The following CTNNA2 variants were observed in gnomAD, a reference collection of about 807,000 sequenced individuals.
CTNNA2 encodes catenin alpha-2.
In CTNNA2, 42 loss-of-function variants were observed where a neutral mutation model predicts 101.0. The ratio of observed to expected loss-of-function variants is 0.42; its 90% CI spans 0.32 to 0.54. The LOEUF is 0.54. Ranked by LOEUF, CTNNA2 falls within the 20% of genes least tolerant of loss-of-function variation. CTNNA2 has a pLI of 0.14. For synonymous variants in CTNNA2, 450 were observed against 456.4 expected (o/e 0.99, Z 0.18); for missense variants, 871 against 1,223.1 (o/e 0.71, Z 4.29).
rs533466625 is a variant in CTNNA2 at position 80,214,122 on chromosome 2, G to C, written c.1057-179089G>C. On this transcript the variant is annotated intron_variant, in intron 7 of 18. Transcript: ENST00000402739. Reference sequence around the variant, plus strand: ...CCTATGTGTCTCTGCACATGAGATGGGTCTCCTGAATACAGCACACTGATG... The same window carrying C: ...CCTATGTGTCTCTGCACATGAGATGCGTCTCCTGAATACAGCACACTGATG... Among the ~76,000 whole-genome samples the C allele has an allele frequency of 2.0e-4, 30 of 152,140 alleles. No homozygotes were observed. The South Asian group carries it at 3.3e-3, about 17-fold the overall frequency.
At chr2:79,189,608 G>A (rs1376509162) in intron 1 of CTNNA2, among the ~76,000 whole-genome samples, 1 of 152,168 alleles carries the variant, frequency 6.6e-6, no homozygotes, top group East Asian at 1.9e-4. Context: ...GTTTTCAGGA[G>A]CTGGGCAAGT....
At position 79,806,101 on chromosome 2, in the gene CTNNA2, T is replaced by C. The variant is rs539761345; in HGVS notation, c.299-51912T>C. On this transcript the variant is annotated intron_variant, in intron 3 of 18. Transcript: ENST00000402739. Reference sequence around the variant, plus strand: ...TGCTTCTCTCAAACTCTTTAGTTAGTTATACATTCCTCACTACTACTATAG... The same window carrying C: ...TGCTTCTCTCAAACTCTTTAGTTAGCTATACATTCCTCACTACTACTATAG... Among the ~76,000 whole-genome samples the C allele has an allele frequency of 3.9e-5, 6 of 152,282 alleles. No individual in the cohort carries two copies. In the South Asian group the frequency reaches 1.2e-3, roughly 32 times the overall value.
intron 2 of CTNNA2, among the ~76,000 whole-genome samples, chr2:79,700,961 C>T (rs1016196894): frequency 2.6e-5 from 4 of 151,958 alleles, no homozygotes; most frequent in African/African-American, 9.7e-5. Flanking sequence ...ATTTTTTGTT[C>T]CATTTTTCCT....
At chr2:80,296,523 T>C (rs886377298) in intron 7 of CTNNA2, among the ~76,000 whole-genome samples, 1 of 152,196 alleles carries the variant, frequency 6.6e-6, no homozygotes, top group Non-Finnish European at 1.5e-5. Flanking sequence ...TTGCTGATTA[T>C]CAGTGAACCT....
At chr2:80,256,731 T>G (rs996962965) in intron 7 of CTNNA2, among the ~76,000 whole-genome samples, 1 of 152,168 alleles carries the variant, frequency 6.6e-6, no homozygotes, top group Admixed American at 6.6e-5. Context: ...GTTTCATACA[T>G]GCTTTTTTAT....
chr2:79,334,613 TA>T (rs1035420706), intron 3 of CTNNA2, among the ~76,000 whole-genome samples: 3 of 148,150 alleles, frequency 2.0e-5, no homozygotes, highest in African/African-American at 7.5e-5. Flanking sequence ...AAGAGAAGAA[TA>T]AAAAAAGGAT....
intron 4 of CTNNA2, among the ~76,000 whole-genome samples, chr2:79,489,591 C>G: frequency 6.6e-6 from 1 of 152,140 alleles, no homozygotes; most frequent in African/African-American, 2.4e-5. Flanking sequence ...CTTCTTTAAA[C>G]AATTTGTTCT....
chr2:79,401,151 T>A (rs1418368899), intron 4 of CTNNA2, among the ~76,000 whole-genome samples: 1 of 151,576 alleles, frequency 6.6e-6, no homozygotes, highest in Non-Finnish European at 1.5e-5. Context: ...TAAAGAAAAA[T>A]GAATACTCCG....
At chr2:79,526,587 A>G (rs1277136856) in intron 1 of CTNNA2, among the ~76,000 whole-genome samples, 1 of 152,134 alleles carries the variant, frequency 6.6e-6, no homozygotes, top group Non-Finnish European at 1.5e-5. Context: ...CCGCAAAAGT[A>G]TAATAATCGA....
intron 2 of CTNNA2, among the ~76,000 whole-genome samples, chr2:79,301,237 C>T (rs2104390450): frequency 6.6e-6 from 1 of 152,338 alleles, no homozygotes; most frequent in East Asian, 1.9e-4. Context: ...TTTTCCAATT[C>T]CATACAGGCC....
chr2:80,598,033 A>G (rs1197013867), intron 15 of CTNNA2, among the ~76,000 whole-genome samples: 1 of 152,194 alleles, frequency 6.6e-6, no homozygotes, highest in African/African-American at 2.4e-5. Flanking sequence ...ACTATTTACA[A>G]TAGCATAGAC....
At chr2:80,182,526 A>G (rs1705847509) in intron 7 of CTNNA2, among the ~76,000 whole-genome samples, 1 of 152,168 alleles carries the variant, frequency 6.6e-6, no homozygotes, top group African/African-American at 2.4e-5. Context: ...ATCATCACAC[A>G]TACCATGCTC....
chr2:80,585,890 C>T (rs985062438), intron 14 of CTNNA2, among the ~76,000 whole-genome samples: 45 of 152,158 alleles, frequency 3.0e-4, no homozygotes, highest in African/African-American at 1.0e-3. Context: ...TTGATAGCTA[C>T]ATAAGCAGAA....
chr2:80,552,328 G>A (rs1295687066), intron 11 of CTNNA2, among the ~76,000 whole-genome samples: 1 of 151,858 alleles, frequency 6.6e-6, no homozygotes, highest in African/African-American at 2.4e-5. Flanking sequence ...TGTATTTGGG[G>A]GGGAAGAAAA....
intron 7 of CTNNA2, among the ~76,000 whole-genome samples, chr2:80,271,472 A>G (rs1673473604): frequency 6.8e-6 from 1 of 147,266 alleles, no homozygotes; most frequent in Non-Finnish European, 1.5e-5. Context: ...CTCAGGCTGG[A>G]GTGCAGTGGC....
rs548978170 is a variant in CTNNA2, at chr2:79,845,463, G to A, written c.299-12550G>A. On this transcript the variant is annotated intron_variant, in intron 3 of 18. Transcript: ENST00000402739. Reference sequence around the variant, plus strand: ...GCTATGTTCATATCATCAATGGTGCGCACTAAGAGAGTAAGGACAAGATGT... The same window carrying A: ...GCTATGTTCATATCATCAATGGTGCACACTAAGAGAGTAAGGACAAGATGT... Among the ~76,000 whole-genome samples, 164 of 152,106 alleles carry A rather than the reference G, an allele frequency of 1.1e-3. 5 individuals carry two copies. The South Asian group carries it at 0.033, about 30-fold the overall frequency.
At chr2:79,536,754 G>A (rs1673098654) in intron 1 of CTNNA2, among the ~76,000 whole-genome samples, 1 of 150,268 alleles carries the variant, frequency 6.7e-6, no homozygotes, top group South Asian at 2.1e-4. Context: ...CTGGAGTGCA[G>A]TGGTGCGATC....
chr2:79,679,508 C>T (rs890804401), intron 2 of CTNNA2, among the ~76,000 whole-genome samples: 1 of 151,988 alleles, frequency 6.6e-6, no homozygotes, highest in African/African-American at 2.4e-5. Context: ...GGAGTCTCTG[C>T]CCTGTTCCCA....
chr2:80,104,286 C>T (rs1296213791), intron 7 of CTNNA2, among the ~76,000 whole-genome samples: 1 of 152,206 alleles, frequency 6.6e-6, no homozygotes, highest in East Asian at 1.9e-4. Context: ...ATGCTTTCTC[C>T]TATCCCTCTA....
Sources: gnomAD v4.1 joint callset for allele counts (sites outside exome capture counted in the v4.1 genomes callset) on GRCh38, gnomAD v4.1.1 for gene constraint, MANE v1.5 for transcripts, NCBI Gene and HGNC (gene_info 2026-07-23, HGNC 2026-07-21) for gene names.